Variants in AKT3 observed in about 807,000 individuals in gnomAD.
AKT3 encodes the protein AKT serine/threonine kinase 3.
A neutral mutation model predicts 65.3 loss-of-function variants in AKT3; 15 were observed. That is an observed-to-expected ratio of 0.23 (90% CI 0.15 to 0.35). The LOEUF is 0.35. Ranked by LOEUF, AKT3 falls within the 10% of genes least tolerant of loss-of-function variation. The pLI is 1.00. For missense variants in AKT3, 243 were observed against 576.5 expected, an observed-to-expected ratio of 0.42 and a Z score of 5.92; for synonymous variants, 206 against 183.8, an observed-to-expected ratio of 1.12 and a Z score of -0.98.
At chr1:243,839,175 T>A (rs932592264) in intron 2 of AKT3, among the ~76,000 whole-genome samples, 4 of 152,312 alleles carry the variant, frequency 2.6e-5, no homozygotes, top group Admixed American at 6.5e-5. Flanking sequence ...TTTAATTCTA[T>A]AATTTAGACC....
At chr1:243,556,473 T>C (rs1673415999) in intron 10 of AKT3, among the ~76,000 whole-genome samples, 1 of 152,104 alleles carries the variant, frequency 6.6e-6, no homozygotes, top group South Asian at 2.1e-4. Flanking sequence ...CTCTCTCAGC[T>C]TGCCCACCAG....
At chr1:243,718,293 G>C (rs926538153) in intron 2 of AKT3, among the ~76,000 whole-genome samples, 1 of 152,092 alleles carries the variant, frequency 6.6e-6, no homozygotes, top group Non-Finnish European at 1.5e-5. Context: ...GCCAACGATT[G>C]TATGCATTCT....
intron 11 of AKT3, among the ~76,000 whole-genome samples, chr1:243,548,871 C>G (rs1477053369): frequency 6.6e-6 from 1 of 152,106 alleles, no homozygotes; most frequent in Admixed American, 6.5e-5. Context: ...AACAGCAATT[C>G]AATAAGAAAT....
At chr1:243,562,758 C>A (rs1673886402) in intron 10 of AKT3, among the ~76,000 whole-genome samples, 1 of 152,098 alleles carries the variant, frequency 6.6e-6, no homozygotes, top group Admixed American at 6.6e-5. Context: ...AGTGAAGATG[C>A]TTCCTGATGA....
At chr1:243,735,669 T>C (rs1465754956) in intron 2 of AKT3, 3 of 152,210 alleles carry the variant, frequency 2.0e-5, no homozygotes, top group Non-Finnish European at 4.4e-5. Context: ...GTCATTCTCA[T>C]AGTTGATATG....
In AKT3 at chr1:243,621,754, C is replaced by A. The variant is rs114335106; in HGVS notation, c.562-6593G>T. On this transcript the variant is annotated intron_variant, in intron 6 of 13. Coordinates refer to ENST00000673466, the MANE Select transcript of AKT3 (RefSeq NM_005465.7). Reference sequence around the variant, plus strand: ...CAGTCAACTTCAATGTAGTGAATGGCAATACCATGCTTTCAGTTGCTTAGA... The same window carrying A: ...CAGTCAACTTCAATGTAGTGAATGGAAATACCATGCTTTCAGTTGCTTAGA... Among the ~76,000 whole-genome samples, 1,084 of 152,270 alleles carry A rather than the reference C, an allele frequency of 7.1e-3. 10 individuals carry two copies. The highest frequency in any genetic ancestry group is 0.025 in the African/African-American group (1,039 of 41,554).
intron 3 of AKT3, 37 bp downstream of exon 3, chr1:243,695,554 T>G (rs1216519537): frequency 1.3e-6 from 2 of 1,525,598 alleles, no homozygotes; most frequent in African/African-American, 2.8e-5. Flanking sequence ...TAAAAATAAA[T>G]AAATACAAGA....
rs758159096 is a variant in AKT3, at chr1:243,492,611, T to TTG, written c.*7-4162_*7-4161insCA. Among the ~76,000 whole-genome samples the TTG allele has an allele frequency of 4.6e-3, 655 of 142,644 alleles. 8 individuals are homozygous for TTG. Among genetic ancestry groups the TTG allele is most frequent in the South Asian group, 8.5e-3 (37 of 4,328 alleles). The allele number at this position is 142,644 out of a possible 152,430, so 93.6% of individuals were successfully genotyped here. On this transcript the variant is annotated intron_variant, in intron 13 of 13. Transcript: ENST00000336199. ...GAGCCACTGCGCCCAGCTGTTTTTTTTTTTTTTTTTTTTTTTGATGAGTTT... is the reference window on the plus strand; with the variant it reads ...GAGCCACTGCGCCCAGCTGTTTTTTTTGTTTTTTTTTTTTTTTTGATGAGTTT...
At chr1:243,595,453 A>G (rs1376629934) in intron 8 of AKT3, among the ~76,000 whole-genome samples, 2 of 152,178 alleles carry the variant, frequency 1.3e-5, no homozygotes, top group Non-Finnish European at 2.9e-5. Context: ...TTCTTCAGTA[A>G]TGAGTTAACC....
At chr1:243,609,056 T>C (rs989059047) in intron 8 of AKT3, among the ~76,000 whole-genome samples, 2 of 152,026 alleles carry the variant, frequency 1.3e-5, no homozygotes, top group African/African-American at 4.8e-5. Flanking sequence ...CTGGTCGTTT[T>C]CTGCATTTTT....
chr1:243,676,070 C>A (rs149529624), intron 3 of AKT3, among the ~76,000 whole-genome samples: 49 of 152,136 alleles, frequency 3.2e-4, no homozygotes, highest in African/African-American at 7.5e-4. Context: ...AGTAGTCAAA[C>A]AATAAACAAG....
chr1:243,715,450 G>A (rs767474691), intron 2 of AKT3, among the ~76,000 whole-genome samples: 1 of 151,962 alleles, frequency 6.6e-6, no homozygotes, highest in African/African-American at 2.4e-5. Context: ...ATACTGGGCC[G>A]ACTTTGGTTT....
intron 2 of AKT3, among the ~76,000 whole-genome samples, chr1:243,727,008 A>G (rs1687250942): frequency 6.6e-6 from 1 of 152,206 alleles, no homozygotes; most frequent in South Asian, 2.1e-4. Context: ...GTATTGTGGT[A>G]AAGCCCACCT....
chr1:243,703,702 A>G (rs1685610443), intron 2 of AKT3, among the ~76,000 whole-genome samples: 1 of 149,062 alleles, frequency 6.7e-6, no homozygotes, highest in Non-Finnish European at 1.5e-5. Context: ...GGGAGGTTGC[A>G]GTGAGCCGAG....
intron 2 of AKT3, among the ~76,000 whole-genome samples, chr1:243,825,048 T>C (rs1306530806): frequency 1.3e-5 from 2 of 152,166 alleles, no homozygotes; most frequent in Non-Finnish European, 2.9e-5. Context: ...GTGGTACATA[T>C]ACACCATGGA....
intron 8 of AKT3, among the ~76,000 whole-genome samples, chr1:243,588,521 G>GT (rs1197950464): frequency 3.3e-5 from 5 of 152,084 alleles, no homozygotes; most frequent in African/African-American, 1.2e-4. Flanking sequence ...ACAAAATCCA[G>GT]TAACTCACGT....
At chr1:243,666,472 A>G (rs920267369) in intron 3 of AKT3, among the ~76,000 whole-genome samples, 2 of 152,196 alleles carry the variant, frequency 1.3e-5, no homozygotes, top group Admixed American at 6.5e-5. Context: ...ACACGTGTCT[A>G]AACACATAGT....
chr1:243,784,307 A>G (rs1022432687), intron 2 of AKT3, among the ~76,000 whole-genome samples: 1 of 152,042 alleles, frequency 6.6e-6, no homozygotes, highest in East Asian at 1.9e-4. Flanking sequence ...AAGTGCCTAG[A>G]CTGCAGGGAA....
chr1:243,495,904 G>A (rs1558554661), downstream of AKT3, among the ~76,000 whole-genome samples: 1 of 152,164 alleles, frequency 6.6e-6, no homozygotes, highest in African/African-American at 2.4e-5. Context: ...CCTCGCATGG[G>A]AGAGTCTGGA....
Sources: allele counts gnomAD v4.1 joint callset (sites outside exome capture counted in the v4.1 genomes callset), GRCh38; gene constraint gnomAD v4.1.1; transcripts MANE v1.5; gene names NCBI Gene and HGNC (gene_info 2026-07-23, HGNC 2026-07-21).